PODXL2: variants seen among roughly 807,000 people sequenced by gnomAD.
PODXL2 encodes the protein podocalyxin-like protein 2.
Under a neutral mutation model 53.4 loss-of-function variants are expected in PODXL2, and 17 were observed. That is an observed-to-expected ratio of 0.32 (90% CI 0.22 to 0.48). The LOEUF (loss-of-function observed/expected upper bound fraction) is 0.48, where lower values mean the gene tolerates loss of function less well. Among genes scored for constraint, PODXL2 ranks in the 20% least tolerant of loss-of-function variants. PODXL2 has a pLI of 0.99. For missense variants in PODXL2, 673 were observed against 760.0 expected (o/e 0.89, Z 1.35); for synonymous variants, 311 against 306.7 (o/e 1.01, Z -0.15).
chr3:127,668,692 T>A (rs2074811728), intron 5 of PODXL2, 95 bp downstream of exon 5: 3 of 1,205,368 alleles, frequency 2.5e-6, no homozygotes, highest in African/African-American at 3.1e-5. Flanking sequence ...ATAAGGGCTT[T>A]GAAACTTGGA....
chr3:127,659,633 G>A (rs2074750076), intron 2 of PODXL2, among the ~76,000 whole-genome samples: 1 of 152,164 alleles, frequency 6.6e-6, no homozygotes, highest in South Asian at 2.1e-4. Context: ...GAGGCCTAGG[G>A]TTCATTGAAA....
chr3:127,657,959 T>C (rs2074736450), intron 2 of PODXL2, among the ~76,000 whole-genome samples: 1 of 152,258 alleles, frequency 6.6e-6, no homozygotes, highest in African/African-American at 2.4e-5. Context: ...TTTTGTTAAC[T>C]AGACTAACTT....
In PODXL2 at chr3:127,641,389, T is replaced by A. The variant is rs573647309; in HGVS notation, c.349+1866T>A. ...TGCCTGACTAATTTTTTCATTTTTT[T>A]GTAGTGATGGGGTCTTGCTATGTTG... is the stretch of plus-strand genomic sequence containing the variant. On this transcript the variant is annotated intron_variant, in intron 2 of 7. Transcript: ENST00000342480. 5.1e-4 allele frequency among the ~76,000 whole-genome samples: 77 copies of A among 151,380 alleles called. No individual in the cohort carries two copies. In the South Asian group the frequency reaches 0.016, roughly 31 times the overall value.
At chr3:127,656,734 CAAAAAAAAAAAA>C (rs71150487) in intron 2 of PODXL2, among the ~76,000 whole-genome samples, 1 of 28,082 alleles carries the variant, frequency 3.6e-5, no homozygotes, top group Non-Finnish European at 7.6e-5. Context: ...GACTCCATCT[CAAAAAAAAAAAA>C]AAAAAAAAAA....
At chr3:127,647,849 G>C (rs1023962204) in intron 2 of PODXL2, among the ~76,000 whole-genome samples, 1 of 152,192 alleles carries the variant, frequency 6.6e-6, no homozygotes, top group Non-Finnish European at 1.5e-5. Flanking sequence ...GAATTTGACT[G>C]TCCAGGCCCA....
At chr3:127,636,179 T>C (rs956646411) in intron 1 of PODXL2, among the ~76,000 whole-genome samples, 8 of 152,240 alleles carry the variant, frequency 5.3e-5, no homozygotes. Context: ...ATTGCAAAGA[T>C]GTGTGTTATT....
intron 1 of PODXL2, among the ~76,000 whole-genome samples, chr3:127,634,664 T>C (rs1006133256): frequency 6.6e-6 from 1 of 152,042 alleles, no homozygotes; most frequent in African/African-American, 2.4e-5. Flanking sequence ...AGGCGGAGGT[T>C]GCAGTGAGCC....
intron 2 of PODXL2, among the ~76,000 whole-genome samples, chr3:127,649,940 T>TA (rs1374224355): frequency 6.6e-6 from 1 of 152,168 alleles, no homozygotes; most frequent in African/African-American, 2.4e-5. Flanking sequence ...TTGTCTTAAA[T>TA]AAAAAAGTAG....
intron 7 of PODXL2, among the ~76,000 whole-genome samples, chr3:127,671,983 C>G (rs930051035): frequency 1.1e-4 from 16 of 152,228 alleles, no homozygotes; most frequent in Non-Finnish European, 2.1e-4. Flanking sequence ...CAGGAGGAAG[C>G]GAGCAGAGCC....
rs762904092 is a variant in PODXL2 at position 127,669,186 on chromosome 3, G to A, written c.1409G>A (p.Arg470His). The change falls in exon 6 of 8, where the codon CGC (arginine) becomes CAC (histidine). Residue 470 changes from arginine to histidine, a missense_variant. Transcript: ENST00000342480. ...GTCCTTTCCATGCTGGGTGACATCC[G>A]CAGGAGCCTGGAGGAGGTAAGAGTG... ...QDVLSMLGDI[R>H]RSLEEIGIQN... is the part of the protein sequence containing the mutation. 27 of 1,606,794 alleles carry A rather than the reference G, an allele frequency of 1.7e-5. No individual in the cohort carries two copies. The highest frequency in any genetic ancestry group is 2.2e-5 in the Non-Finnish European group (26 of 1,177,006).
intron 6 of PODXL2, 65 bp from the exon 7 acceptor site, chr3:127,671,369 C>G: frequency 6.7e-7 from 1 of 1,501,348 alleles, no homozygotes. Context: ...CCCAATGCAA[C>G]CACCCCAGAG....
intron 1 of PODXL2, among the ~76,000 whole-genome samples, chr3:127,630,184 G>C (rs557156827): frequency 6.6e-6 from 1 of 152,170 alleles, no homozygotes; most frequent in East Asian, 1.9e-4. Context: ...TGGAAATGGC[G>C]GGGAGAAGGG....
intron 2 of PODXL2, among the ~76,000 whole-genome samples, chr3:127,640,438 C>T (rs1324183447): frequency 1.3e-5 from 2 of 152,098 alleles, no homozygotes; most frequent in African/African-American, 2.4e-5. Flanking sequence ...TGGTGGCTCA[C>T]GTCTGTAATC....
intron 2 of PODXL2, among the ~76,000 whole-genome samples, chr3:127,657,383 A>G (rs1576432533): frequency 1.3e-5 from 2 of 152,140 alleles, no homozygotes; most frequent in African/African-American, 4.8e-5. Context: ...CAGCTATTTT[A>G]AGTGCGTCCT....
intron 7 of PODXL2, 77 bp from the exon 8 acceptor site, chr3:127,672,191 T>G: frequency 8.0e-7 from 1 of 1,247,062 alleles, no homozygotes; most frequent in Non-Finnish European, 1.1e-6. Flanking sequence ...CTGGGTGGGG[T>G]TGCACAGACG....
intron 2 of PODXL2, among the ~76,000 whole-genome samples, chr3:127,650,412 A>G (rs1339019007): frequency 2.0e-5 from 3 of 152,192 alleles, no homozygotes; most frequent in African/African-American, 7.2e-5. Context: ...GGGCTTCATC[A>G]GGGTGAGCTG....
intron 1 of PODXL2, among the ~76,000 whole-genome samples, chr3:127,637,312 A>G (rs143801519): frequency 4.6e-5 from 7 of 152,320 alleles, no homozygotes; most frequent in Non-Finnish European, 8.8e-5. Flanking sequence ...TCACTCTGAT[A>G]TTCTTATTCA....
intron 2 of PODXL2, among the ~76,000 whole-genome samples, chr3:127,646,001 C>T (rs368905034): frequency 1.3e-5 from 2 of 152,300 alleles, no homozygotes; most frequent in South Asian, 2.1e-4. Context: ...CCATTAGGGA[C>T]ATTGAACTCC....
At chr3:127,657,384 A>C (rs1576432534) in intron 2 of PODXL2, among the ~76,000 whole-genome samples, 2 of 152,198 alleles carry the variant, frequency 1.3e-5, no homozygotes, top group African/African-American at 4.8e-5. Context: ...AGCTATTTTA[A>C]GTGCGTCCTG....
Sources: allele counts gnomAD v4.1 joint callset (sites outside exome capture counted in the v4.1 genomes callset), GRCh38; gene constraint gnomAD v4.1.1; transcripts MANE v1.5; gene names NCBI Gene and HGNC (gene_info 2026-07-23, HGNC 2026-07-21).